Variants in LIN52 observed in about 807,000 individuals in gnomAD.
LIN52 encodes lin-52 DREAM MuvB core complex component.
In LIN52, 4 loss-of-function variants were observed where a neutral mutation model predicts 18.5. The observed-to-expected ratio is 0.22, with a 90% CI of 0.11 to 0.49. The LOEUF is 0.49. LIN52 is among the 20% of genes least tolerant of loss of function. LIN52 has a pLI of 0.97. For missense variants in LIN52, 102 were observed against 139.5 expected (o/e 0.73, Z 1.35); for synonymous variants, 34 against 45.5 (o/e 0.75, Z 1.02).
At chr14:74,101,540 G>A (rs1052302760) in intron 5 of LIN52, among the ~76,000 whole-genome samples, 43 of 149,672 alleles carry the variant, frequency 2.9e-4, no homozygotes, top group Admixed American at 2.5e-3. Flanking sequence ...CTCACTGCAA[G>A]CTCCGCCTCC....
intron 5 of LIN52, among the ~76,000 whole-genome samples, chr14:74,178,991 G>A (rs896875326): frequency 4.6e-5 from 7 of 151,994 alleles, no homozygotes; most frequent in African/African-American, 1.2e-4. Flanking sequence ...GGAGGCTGAG[G>A]TGAGAGGACC....
At chr14:74,106,028 C>G (rs1293861792) in intron 5 of LIN52, among the ~76,000 whole-genome samples, 1 of 152,192 alleles carries the variant, frequency 6.6e-6, no homozygotes, top group African/African-American at 2.4e-5. Context: ...TTTATAGTCT[C>G]TCAGATGATT....
chr14:74,098,463 G>A (rs1276005200), intron 4 of LIN52, among the ~76,000 whole-genome samples: 4 of 149,120 alleles, frequency 2.7e-5, no homozygotes, highest in East Asian at 4.0e-4. Context: ...AGGTTGTGGC[G>A]AACAATAGTT....
chr14:74,141,245 A>G (rs1363039518), intron 5 of LIN52, among the ~76,000 whole-genome samples: 6 of 152,256 alleles, frequency 3.9e-5, no homozygotes, highest in African/African-American at 7.2e-5. Context: ...CAGTTTCTCC[A>G]TGGATGCTTC....
intron 5 of LIN52, among the ~76,000 whole-genome samples, chr14:74,116,632 G>C (rs1248156634): frequency 6.6e-6 from 1 of 151,418 alleles, no homozygotes; most frequent in Non-Finnish European, 1.5e-5. Context: ...CTTGAACCTG[G>C]GAGGTGGAGC....
At chr14:74,171,018 CAAAAA>C (rs11424527) in intron 5 of LIN52, among the ~76,000 whole-genome samples, 4 of 123,578 alleles carry the variant, frequency 3.2e-5, no homozygotes, top group Admixed American at 2.5e-4. Flanking sequence ...CCGTCTGTAC[CAAAAA>C]AAAAAAAAAA....
chr14:74,157,327 C>T (rs2061203826), intron 5 of LIN52, among the ~76,000 whole-genome samples: 1 of 152,074 alleles, frequency 6.6e-6, no homozygotes, highest in South Asian at 2.1e-4. Context: ...GCCACCACAC[C>T]TGGCCTCCAC....
chr14:74,157,455 A>AT (rs386364186), intron 5 of LIN52, among the ~76,000 whole-genome samples: 104 of 69,362 alleles, frequency 1.5e-3, no homozygotes, highest in Middle Eastern at 5.9e-3. Context: ...ATATATATAT[A>AT]TATATTTTTT....
At chr14:74,197,251 T>TA (rs2078918669) in intron 5 of LIN52, among the ~76,000 whole-genome samples, 1 of 152,200 alleles carries the variant, frequency 6.6e-6, no homozygotes. Context: ...AGTCAACACT[T>TA]ACTCAGCAGA....
chr14:74,187,872 G>A (rs762001610), intron 5 of LIN52, among the ~76,000 whole-genome samples: 12 of 152,108 alleles, frequency 7.9e-5, no homozygotes, highest in Non-Finnish European at 1.6e-4. Context: ...CAGTAAGGTA[G>A]ATACCAATCC....
chr14:74,092,274 CAAT>C (rs2060777820), intron 2 of LIN52, among the ~76,000 whole-genome samples: 1 of 143,448 alleles, frequency 7.0e-6, no homozygotes, highest in South Asian at 2.3e-4. Flanking sequence ...GCCTAGCCAA[CAAT>C]AATTATTATT....
intron 5 of LIN52, among the ~76,000 whole-genome samples, chr14:74,135,748 TA>T (rs1212998800): frequency 2.6e-5 from 4 of 152,208 alleles, no homozygotes; most frequent in African/African-American, 7.2e-5. Flanking sequence ...TAAACTACTT[TA>T]TTTGAGCAAG....
chr14:74,108,254 T>C (rs573087793), intron 5 of LIN52, among the ~76,000 whole-genome samples: 1 of 152,374 alleles, frequency 6.6e-6, no homozygotes, highest in South Asian at 2.1e-4. Flanking sequence ...ATACGCCACA[T>C]TGTATTTATC....
At position 74,171,304 on chromosome 14, in the gene LIN52, G is replaced by A. The variant is rs111525003; in HGVS notation, c.284-27618G>A. Among the ~76,000 whole-genome samples, 325 of 151,394 alleles carry A rather than the reference G, an allele frequency of 2.1e-3. 2 individuals are homozygous for A. Among genetic ancestry groups the A allele is most frequent in the African/African-American group, 7.5e-3 (309 of 41,244 alleles). On this transcript the variant is annotated intron_variant, in intron 5 of 5. Transcript: ENST00000555028. ...GAGGATTGCTTTGAAGGTCAAGGCT[G>A]CAGTGAGCTACAATTGTAACACTAC... is the stretch of plus-strand genomic sequence containing the variant.
intron 2 of LIN52, among the ~76,000 whole-genome samples, chr14:74,094,622 A>G (rs1011555946): frequency 3.3e-5 from 5 of 152,176 alleles, no homozygotes; most frequent in Admixed American, 1.3e-4. Flanking sequence ...ATATCTTCAT[A>G]TACATGGAAG....
chr14:74,094,518 C>T (rs1452276663), intron 2 of LIN52, among the ~76,000 whole-genome samples: 1 of 151,952 alleles, frequency 6.6e-6, no homozygotes, highest in Non-Finnish European at 1.5e-5. Flanking sequence ...CTTGGCCTCC[C>T]AGAGCACTGG....
intron 1 of LIN52, among the ~76,000 whole-genome samples, chr14:74,086,939 A>C (rs957424499): frequency 6.9e-6 from 1 of 144,246 alleles, no homozygotes; most frequent in Non-Finnish European, 1.5e-5. Flanking sequence ...TGTATATTTC[A>C]CCACAGTTGA....
At chr14:74,124,445 A>T (rs559743098) in intron 5 of LIN52, among the ~76,000 whole-genome samples, 3 of 152,206 alleles carry the variant, frequency 2.0e-5, no homozygotes, top group East Asian at 3.8e-4. Flanking sequence ...TCAAATTACA[A>T]TCCCCCAAAA....
At chr14:74,117,646 T>C (rs1015926687) in intron 5 of LIN52, among the ~76,000 whole-genome samples, 1 of 152,214 alleles carries the variant, frequency 6.6e-6, no homozygotes, top group Non-Finnish European at 1.5e-5. Flanking sequence ...CTTTCGTTTG[T>C]TTTTTAGTTA....
Sources: allele counts gnomAD v4.1 joint callset (sites outside exome capture counted in the v4.1 genomes callset), GRCh38; gene constraint gnomAD v4.1.1; transcripts MANE v1.5; gene names NCBI Gene and HGNC (gene_info 2026-07-23, HGNC 2026-07-21).